Variants in GJA5 observed in about 807,000 individuals in gnomAD.
GJA5 encodes the protein gap junction alpha-5 protein.
Under a neutral mutation model 7.9 loss-of-function variants are expected in GJA5, and 3 were observed. The ratio of observed to expected loss-of-function variants is 0.38; its 90% CI spans 0.17 to 0.99. The LOEUF is 0.99. GJA5 is among the 50% of genes least tolerant of loss of function. GJA5 has a pLI of 0.38. For missense variants in GJA5, 390 were observed against 457.9 expected, an observed-to-expected ratio of 0.85 and a Z score of 1.35; for synonymous variants, 193 against 181.0, an observed-to-expected ratio of 1.07 and a Z score of -0.53.
At chr1:147,767,223 C>A (rs1302560115) in intron 1 of GJA5, among the ~76,000 whole-genome samples, 2 of 152,012 alleles carry the variant, frequency 1.3e-5, no homozygotes, top group Admixed American at 6.5e-5. Flanking sequence ...TTCTAGTTTA[C>A]CCAGTTACAC....
At chr1:147,760,745 G>T (rs1418635893), upstream of GJA5, 1 of 152,220 alleles carries the variant, frequency 6.6e-6, no homozygotes, top group Non-Finnish European at 1.5e-5. Context: ...AAAAAGCCAG[G>T]TATCACTTTC....
At chr1:147,760,445 T>A (rs1056590487) in intron 1 of GJA5, 54 bp downstream of exon 1, 6 of 152,352 alleles carry the variant, frequency 3.9e-5, no homozygotes, top group Non-Finnish European at 8.8e-5. Flanking sequence ...CAGCCCTCCC[T>A]CCTCCCTCAA....
chr1:147,759,340 A>G (rs1663896941), intron 1 of GJA5, 69 bp from the exon 2 acceptor site: 1 of 855,648 alleles, frequency 1.2e-6, no homozygotes, highest in African/African-American at 1.6e-5. Flanking sequence ...AATGTCTATC[A>G]TGTTCTGGGA....
chr1:147,762,556 A>G (rs1377413569), upstream of GJA5, among the ~76,000 whole-genome samples: 2 of 152,220 alleles, frequency 1.3e-5, no homozygotes, highest in East Asian at 3.9e-4. Flanking sequence ...TAGGAAGGAT[A>G]TCTTATTGGG....
upstream of GJA5, among the ~76,000 whole-genome samples, chr1:147,760,988 T>G (rs1167555314): frequency 6.6e-6 from 1 of 152,108 alleles, no homozygotes; most frequent in African/African-American, 2.4e-5. Context: ...GGAGTGAGCC[T>G]CACTTAGCCC....
Position 147,758,463 on chromosome 1 carries a change from T to G in GJA5, c.776A>C (p.Gln259Pro), listed in dbSNP as rs782792159. The change falls in exon 2 of 2, where the codon CAG becomes CCG. Residue 259 changes from glutamine (Q) to proline (P), a missense_variant. Coordinates refer to ENST00000579774, the MANE Select transcript of GJA5 (RefSeq NM_181703.4). ...QLSGPSVGIVQSCTPPPDFNQ... is the reference protein window; with the variant it reads ...QLSGPSVGIVPSCTPPPDFNQ... The stretch of plus-strand genomic sequence containing the variant: ...AAAGTCGGGGGGTGGTGTGCAGCTC[T>G]GGACTATGCCCACAGAGGGGCCAGA... 18 of 1,614,076 alleles carry G rather than the reference T, an allele frequency of 1.1e-5. No homozygotes were observed. The East Asian group carries it at 3.6e-4, about 32-fold the overall frequency.
rs2148959258 is a variant in GJA5, at chr1:147,758,884, C to T, written c.355G>A (p.Gly119Ser). 1 of 1,614,234 alleles carries T rather than the reference C, an allele frequency of 6.2e-7. No homozygotes were observed. The highest frequency in any genetic ancestry group is 2.2e-5 in the East Asian group (1 of 44,882). ...ACCGGGTACTCGTAAGAGCCAGAGCCCCGGACCTCTTTGGCCCTCTCGGCC... is the reference window on the plus strand; with the variant it reads ...ACCGGGTACTCGTAAGAGCCAGAGCTCCGGACCTCTTTGGCCCTCTCGGCC... ...REAERAKEVR[G>S]SGSYEYPVAE... is the part of the protein sequence containing the mutation. The change falls in exon 2 of 2, where the codon GGC becomes AGC. Residue 119 changes from glycine to serine, a missense_variant. By Grantham distance (56) the Gly-to-Ser change is moderately conservative. This residue lies in a region of GJA5 where 354 missense variants were observed against 370.9 expected (regional missense o/e 0.95). Transcript: ENST00000579774.
rs1372602631 is a variant in GJA5 at position 147,756,949 on chromosome 1, G to C, written c.*1213C>G. On this transcript the variant is annotated 3_prime_UTR_variant, in exon 2 of 2. Coordinates refer to ENST00000579774, the MANE Select transcript of GJA5 (RefSeq NM_181703.4). ...TTTAAATAAAGGCCCTGCCAAGAGA[G>C]CTGGAGATTCCCCTACTATTTCCTT... is the stretch of plus-strand genomic sequence containing the variant. The C allele has an allele frequency of 6.6e-6, 1 of 152,210 alleles. No homozygotes were observed. The highest frequency in any genetic ancestry group is 1.5e-5 in the Non-Finnish European group (1 of 68,048). The allele number at this position is 152,210 out of a possible 1,614,324, so 9.4% of individuals were successfully genotyped here.
intron 1 of GJA5, among the ~76,000 whole-genome samples, chr1:147,771,112 T>C (rs1436376330): frequency 1.3e-5 from 2 of 152,132 alleles, no homozygotes. Flanking sequence ...TCCTGATTGA[T>C]CCACATAGAC....
chr1:147,770,419 A>C (rs1664353460), intron 1 of GJA5, among the ~76,000 whole-genome samples: 1 of 152,086 alleles, frequency 6.6e-6, no homozygotes, highest in Non-Finnish European at 1.5e-5. Flanking sequence ...CTTAGAGGAC[A>C]GCAGAAGGAG....
At chr1:147,764,558 C>G (rs1664132040), upstream of GJA5, among the ~76,000 whole-genome samples, 1 of 152,092 alleles carries the variant, frequency 6.6e-6, no homozygotes, top group African/African-American at 2.4e-5. Flanking sequence ...GGTGTGGTAG[C>G]TCATGCCTGT....
intron 1 of GJA5, among the ~76,000 whole-genome samples, chr1:147,769,769 C>T (rs1664330793): frequency 6.6e-6 from 1 of 152,016 alleles, no homozygotes; most frequent in African/African-American, 2.4e-5. Context: ...TCCAGACCTC[C>T]TGGGTCAAGT....
intron 1 of GJA5, among the ~76,000 whole-genome samples, chr1:147,765,656 T>C: frequency 6.6e-6 from 1 of 152,206 alleles, no homozygotes; most frequent in East Asian, 1.9e-4. Flanking sequence ...AGAGTCTGCA[T>C]AGCAGGCAGG....
Position 147,757,910 on chromosome 1 carries a change from G to C in GJA5, c.*252C>G, listed in dbSNP as rs1443133571. On this transcript the variant is annotated 3_prime_UTR_variant, in exon 2 of 2. Transcript: ENST00000579774. ...TCTTTCCCTCTACCCTGTTTCATGA[G>C]TAATCTGAAAGGCTTCGTATACTGG... 9.3e-6 allele frequency: 5 copies of C among 538,186 alleles called. No homozygotes were observed. In the African/African-American group the frequency reaches 9.5e-5, roughly 10 times the overall value. The allele number at this position is 538,186 out of a possible 1,614,324, so 33.3% of individuals were successfully genotyped here.
chr1:147,764,106 C>T (rs953770105), upstream of GJA5, among the ~76,000 whole-genome samples: 6 of 152,072 alleles, frequency 3.9e-5, no homozygotes, highest in East Asian at 1.9e-4. Flanking sequence ...CCACCATGCC[C>T]GGCCCAGTGC....
upstream of GJA5, among the ~76,000 whole-genome samples, chr1:147,762,811 T>C (rs1441282911): frequency 6.6e-6 from 1 of 152,210 alleles, no homozygotes; most frequent in Non-Finnish European, 1.5e-5. Context: ...CCAAAGAAAT[T>C]TGTAGATTAG....
Position 147,759,203 on chromosome 1 carries a change from C to T in GJA5, c.36G>A (p.Glu12=). 6.2e-7 allele frequency: 1 copy of T among 1,614,048 alleles called. No individual in the cohort carries two copies. Among genetic ancestry groups the T allele is most frequent in the Middle Eastern group, 1.6e-4 (1 of 6,062 alleles). ...GDWSFLGNFL[E]EVHKHSTVVG... is the part of the protein sequence containing the mutation. Reference sequence around the variant, plus strand: ...CCACGGTCGAGTGCTTGTGTACTTCCTCCAGGAAATTTCCCAGGAAGCTCC... The same window carrying T: ...CCACGGTCGAGTGCTTGTGTACTTCTTCCAGGAAATTTCCCAGGAAGCTCC... The change falls in exon 2 of 2, where the codon GAG becomes GAA. Residue 12 remains glutamate (E), a synonymous_variant. Coordinates refer to ENST00000579774, the MANE Select transcript of GJA5 (RefSeq NM_181703.4).
rs1663898402 is a variant in GJA5, at chr1:147,759,372, A to C, written c.-33-101T>G. The C allele has an allele frequency of 8.5e-6, 6 of 708,490 alleles. No individual in the cohort carries two copies. In the South Asian group the frequency reaches 9.8e-5, roughly 12 times the overall value. The allele number at this position is 708,490 out of a possible 1,614,324, so 43.9% of individuals were successfully genotyped here. A position where few individuals can be genotyped will look rare whatever the true frequency, so the allele number is the denominator to read the frequency against. Reference sequence around the variant, plus strand: ...GGGATTCCACTGATCCATCCATCCAATGGGTTCTTTAAGAAAATGCAACTT... The same window carrying C: ...GGGATTCCACTGATCCATCCATCCACTGGGTTCTTTAAGAAAATGCAACTT... On this transcript the variant is annotated intron_variant, in intron 1 of 1. Transcript: ENST00000579774.
intron 1 of GJA5, among the ~76,000 whole-genome samples, chr1:147,767,061 C>A (rs1557948851): frequency 6.6e-6 from 1 of 152,126 alleles, no homozygotes; most frequent in Non-Finnish European, 1.5e-5. Context: ...GTCTTTTGTA[C>A]CTTATTAATT....
Sources: allele counts gnomAD v4.1 joint callset (sites outside exome capture counted in the v4.1 genomes callset), GRCh38; gene constraint gnomAD v4.1.1; regional missense constraint gnomAD v4.1.1; transcripts MANE v1.5; gene names NCBI Gene and HGNC (gene_info 2026-07-23, HGNC 2026-07-21).